Variants in KAT2B observed in about 807,000 individuals in gnomAD.
The protein encoded by KAT2B is lysine acetyltransferase 2B.
KAT2B carries 36 observed loss-of-function variants against 105.9 expected under a neutral mutation model. The observed-to-expected ratio is 0.34, with a 90% CI of 0.26 to 0.45. The LOEUF is 0.45. Ranked by LOEUF, KAT2B falls within the 20% of genes least tolerant of loss-of-function variation. The probability of loss-of-function intolerance (pLI) is 1.00; values close to 1 mark genes in which losing one functional copy is unlikely to be tolerated. For synonymous variants in KAT2B, 397 were observed against 377.9 expected (o/e 1.05, Z -0.59); for missense variants, 820 against 1,021.6 (o/e 0.80, Z 2.69).
intron 1 of KAT2B, among the ~76,000 whole-genome samples, chr3:20,070,724 T>C (rs1020745838): frequency 4.0e-5 from 6 of 151,800 alleles, no homozygotes; most frequent in South Asian, 2.1e-4. Flanking sequence ...ATTAGACTTA[T>C]GCTGCTGGTC....
intron 14 of KAT2B, 196 bp downstream of exon 14, chr3:20,146,626 G>T: frequency 2.3e-6 from 1 of 432,660 alleles, no homozygotes; most frequent in Non-Finnish European, 4.2e-6. Flanking sequence ...AAACCAAAGG[G>T]AGCTTAGATG....
chr3:20,094,397 T>C (rs1430751526), intron 2 of KAT2B, among the ~76,000 whole-genome samples: 1 of 152,006 alleles, frequency 6.6e-6, no homozygotes, highest in East Asian at 1.9e-4. Flanking sequence ...TCCCTTGACA[T>C]GTGGGGATTG....
At chr3:20,147,428 AT>A (rs1699798872) in intron 14 of KAT2B, among the ~76,000 whole-genome samples, 1 of 151,860 alleles carries the variant, frequency 6.6e-6, no homozygotes, top group African/African-American at 2.4e-5. Flanking sequence ...TGTTTTATAG[AT>A]TGATAAACTG....
chr3:20,118,705 G>A (rs1489213305), intron 7 of KAT2B, among the ~76,000 whole-genome samples: 4 of 115,110 alleles, frequency 3.5e-5, no homozygotes, highest in Admixed American at 2.2e-4. Context: ...CAGCCTGGGC[G>A]ACAAAAGCGA....
intron 1 of KAT2B, among the ~76,000 whole-genome samples, chr3:20,065,293 G>A (rs943561592): frequency 3.9e-5 from 6 of 152,106 alleles, no homozygotes; most frequent in Non-Finnish European, 8.8e-5. Context: ...TAATTGGCTT[G>A]GCAGTGCACT....
intron 4 of KAT2B, 125 bp from the exon 5 acceptor site, chr3:20,101,162 G>T (rs1464123717): frequency 1.4e-6 from 1 of 733,868 alleles, no homozygotes; most frequent in South Asian, 2.0e-5. Context: ...AAAAGGAAGA[G>T]ATTTTTGTGA....
At position 20,148,294 on chromosome 3, in the gene KAT2B, C is replaced by A; in HGVS notation, c.2208C>A (p.Leu736=). ...DQLYSTLKSI[L]QQVKSHQSAW... The stretch of plus-strand genomic sequence containing the variant: ...TTTACAGCACGCTCAAGAGCATCCT[C>A]CAGCAGGTGAAGGTGGGTGTCCTCT... Residue 736 remains leucine (L), a synonymous_variant, in exon 16 of 18, where the codon CTC becomes CTA. Transcript: ENST00000263754. 1 of 1,613,980 alleles carries A rather than the reference C, an allele frequency of 6.2e-7. No homozygotes were observed. Among genetic ancestry groups the A allele is most frequent in the Non-Finnish European group, 8.5e-7 (1 of 1,179,864 alleles).
At chr3:20,077,374 C>G (rs1698437748) in intron 2 of KAT2B, among the ~76,000 whole-genome samples, 1 of 152,146 alleles carries the variant, frequency 6.6e-6, no homozygotes, top group African/African-American at 2.4e-5. Flanking sequence ...AGAATTCTAG[C>G]TTGGCCCTGC....
chr3:20,075,712 G>T (rs1698405882), intron 2 of KAT2B, among the ~76,000 whole-genome samples: 1 of 152,108 alleles, frequency 6.6e-6, no homozygotes, highest in Non-Finnish European at 1.5e-5. Context: ...GGGAAGGGGA[G>T]TGAAGCTTCC....
rs576812822 is a variant in KAT2B, at chr3:20,081,049, C to A, written c.430+8590C>A. On this transcript the variant is annotated intron_variant, in intron 2 of 17. Transcript: ENST00000263754. The stretch of plus-strand genomic sequence containing the variant: ...AGATCTGAGATTACAGAAAATGAAA[C>A]CACTTTTAAATGATAAGCCTTTTGC... Among the ~76,000 whole-genome samples, 7 of 152,150 alleles carry A rather than the reference C, an allele frequency of 4.6e-5. No homozygotes were observed. The South Asian group carries it at 1.5e-3, about 32-fold the overall frequency.
chr3:20,148,184 C>A, intron 15 of KAT2B, 59 bp from the exon 16 acceptor site: 2 of 1,478,254 alleles, frequency 1.4e-6, no homozygotes, highest in Non-Finnish European at 1.9e-6. Context: ...GAATAGTAAT[C>A]AGCTGGCAAT....
intron 14 of KAT2B, among the ~76,000 whole-genome samples, chr3:20,147,723 C>T (rs1015280076): frequency 5.3e-5 from 8 of 152,168 alleles, no homozygotes; most frequent in African/African-American, 1.9e-4. Flanking sequence ...ATGCTCTCCA[C>T]TGAAAGGTTG....
At chr3:20,099,741 GGC>G in intron 3 of KAT2B, 119 bp from the exon 4 acceptor site, 1 of 569,866 alleles carries the variant, frequency 1.8e-6, no homozygotes, top group Non-Finnish European at 3.2e-6. Flanking sequence ...TTCCTTTAAA[GGC>G]TGTGTGTGTG....
intron 13 of KAT2B, 147 bp from the exon 14 acceptor site, chr3:20,146,169 T>G: frequency 1.6e-6 from 1 of 611,666 alleles, no homozygotes; most frequent in Non-Finnish European, 2.9e-6. Context: ...GTTCATTTCT[T>G]ACTTGTTAAA....
intron 2 of KAT2B, among the ~76,000 whole-genome samples, chr3:20,084,787 A>G (rs1298408330): frequency 6.6e-6 from 1 of 152,194 alleles, no homozygotes; most frequent in Middle Eastern, 3.2e-3. Flanking sequence ...TGGGTTCTTG[A>G]GCCTTCTAAA....
chr3:20,087,115 A>G (rs960081443), intron 2 of KAT2B, among the ~76,000 whole-genome samples: 1 of 152,194 alleles, frequency 6.6e-6, no homozygotes, highest in Non-Finnish European at 1.5e-5. Flanking sequence ...ACTGCTGGAT[A>G]GGAAGAATGA....
intron 12 of KAT2B, among the ~76,000 whole-genome samples, chr3:20,139,536 C>T (rs3804562): frequency 0.26 from 39,966 of 151,742 alleles, 8,080 homozygotes; most frequent in East Asian, 0.62. Flanking sequence ...GAACTGCTGG[C>T]GATGGTGCTG....
intron 11 of KAT2B, 136 bp from the exon 12 acceptor site, chr3:20,136,806 T>G (rs1699607157): frequency 2.2e-6 from 1 of 462,738 alleles, no homozygotes; most frequent in Non-Finnish European, 3.9e-6. Flanking sequence ...TGTTAATATA[T>G]TTCATTCAGG....
At chr3:20,128,059 G>T (rs1003987145) in intron 11 of KAT2B, among the ~76,000 whole-genome samples, 1 of 152,214 alleles carries the variant, frequency 6.6e-6, no homozygotes, top group Non-Finnish European at 1.5e-5. Flanking sequence ...GTATGTGTGT[G>T]AGGAGAGTAA....
Sources: gnomAD v4.1 joint callset for allele counts (sites outside exome capture counted in the v4.1 genomes callset) on GRCh38, gnomAD v4.1.1 for gene constraint, MANE v1.5 for transcripts, NCBI Gene and HGNC (gene_info 2026-07-23, HGNC 2026-07-21) for gene names.